Variants in WASF2 observed in about 807,000 individuals in gnomAD.
WASF2 encodes the protein WASP family member 2, also known as actin-binding protein WASF2.
In WASF2, 14 loss-of-function variants were observed where a neutral mutation model predicts 45.0. The observed-to-expected ratio is 0.31, with a 90% CI of 0.21 to 0.49. The LOEUF (loss-of-function observed/expected upper bound fraction) is 0.49. WASF2 is among the 20% of genes least tolerant of loss of function. The pLI, the probability that WASF2 is intolerant of heterozygous loss-of-function variation, is 0.99. For missense variants in WASF2, 439 were observed against 636.1 expected (o/e 0.69, Z 3.33); for synonymous variants, 200 against 236.3 (o/e 0.85, Z 1.41).
chr1:27,449,944 G>C (rs554937654), intron 1 of WASF2, among the ~76,000 whole-genome samples: 1 of 152,246 alleles, frequency 6.6e-6, no homozygotes, highest in Admixed American at 6.5e-5. Flanking sequence ...AGGAGTTCGA[G>C]ACCAGCCTGG....
intron 1 of WASF2, among the ~76,000 whole-genome samples, chr1:27,476,192 G>A (rs566420023): frequency 3.2e-4 from 49 of 152,350 alleles, no homozygotes; most frequent in African/African-American, 1.1e-3. Context: ...CACATCTGAT[G>A]AGAAGGTAAA....
chr1:27,478,627 G>A (rs545626518), intron 1 of WASF2, among the ~76,000 whole-genome samples: 2 of 152,106 alleles, frequency 1.3e-5, no homozygotes, highest in South Asian at 2.1e-4. Context: ...TTGTTGCCCA[G>A]GCTGGAGTGC....
intron 1 of WASF2, among the ~76,000 whole-genome samples, chr1:27,438,317 A>T (rs2017164323): frequency 6.6e-6 from 1 of 152,226 alleles, no homozygotes; most frequent in African/African-American, 2.4e-5. Context: ...CCTTTGGTCA[A>T]GGTATTAGAG....
chr1:27,461,551 C>T (rs1245649852), intron 1 of WASF2, among the ~76,000 whole-genome samples: 2 of 151,790 alleles, frequency 1.3e-5, no homozygotes, highest in Non-Finnish European at 2.9e-5. Flanking sequence ...CAAGCTCCGC[C>T]TCCCGGGCTC....
At chr1:27,487,627 A>G (rs1302583144) in intron 1 of WASF2, among the ~76,000 whole-genome samples, 3 of 88,764 alleles carry the variant, frequency 3.4e-5, no homozygotes, top group Admixed American at 1.7e-4. Context: ...TATATTTTAT[A>G]CAATATATAA....
At chr1:27,463,804 A>ATTT (rs1553151290) in intron 1 of WASF2, among the ~76,000 whole-genome samples, 4 of 137,182 alleles carry the variant, frequency 2.9e-5, no homozygotes, top group African/African-American at 8.0e-5. Flanking sequence ...TATTATTATT[A>ATTT]TTTTTTTTTT....
At chr1:27,473,473 AAG>A (rs2017721866) in intron 1 of WASF2, among the ~76,000 whole-genome samples, 1 of 150,736 alleles carries the variant, frequency 6.6e-6, no homozygotes, top group Admixed American at 6.6e-5. Context: ...AAAAAAAAAA[AAG>A]AAAGAAAAAA....
At chr1:27,473,479 G>GA (rs899292233) in intron 1 of WASF2, among the ~76,000 whole-genome samples, 7 of 136,974 alleles carry the variant, frequency 5.1e-5, no homozygotes. Context: ...AAAAAAGAAA[G>GA]AAAAAAAAAG....
At position 27,410,079 on chromosome 1, in the gene WASF2, G is replaced by A. The variant is rs757885369; in HGVS notation, c.952C>T (p.Pro318Ser). Residue 318 changes from proline (P) to serine (S), a missense_variant, in exon 8 of 9, where the codon CCA becomes TCA. Pro to Ser is a moderately conservative substitution (Grantham distance 74). Around this residue, in one of 5 missense-constraint regions of WASF2, gnomAD observed 286 missense variants for 373.5 expected, o/e 0.77. Coordinates refer to ENST00000618852, the MANE Select transcript of WASF2 (RefSeq NM_006990.5). The surrounding 1 kb of genome is among the most constrained non-coding windows in gnomAD (Gnocchi z 4.2). ...SPPGPKPGFA[P>S]PPAPPPPPPP... ...GGAGGTGGCGGAGGGGCAGGTGGTGGAGCAAACCCGGGTTTAGGGCCTGGT... is the reference window on the plus strand; with the variant it reads ...GGAGGTGGCGGAGGGGCAGGTGGTGAAGCAAACCCGGGTTTAGGGCCTGGT... The A allele has an allele frequency of 5.6e-6, 9 of 1,613,264 alleles. No homozygotes were observed. The South Asian group carries it at 6.6e-5, about 12-fold the overall frequency.
Position 27,410,203 on chromosome 1 carries a change from G to A in WASF2, c.828C>T (p.Tyr276=), listed in dbSNP as rs2016743867. The part of the protein sequence containing the change: ...NLPPPPAEFS[Y]PVDNQRGSGL... ...CAGATCCTCTTTGGTTGTCCACTGG[G>A]TAACTAAAAGGCCAAAGAAAAAAAG... The change falls in exon 8 of 9, where the codon TAC becomes TAT. Residue 276 remains tyrosine, a synonymous_variant. Transcript: ENST00000618852. The surrounding 1 kb of genome is among the most constrained non-coding windows in gnomAD (Gnocchi z 4.2). The A allele has an allele frequency of 6.2e-7, 1 of 1,613,906 alleles. No individual in the cohort carries two copies. The highest frequency in any genetic ancestry group is 1.3e-5 in the African/African-American group (1 of 74,858).
chr1:27,485,050 T>C (rs866104647), intron 1 of WASF2, among the ~76,000 whole-genome samples: 7 of 152,010 alleles, frequency 4.6e-5, no homozygotes, highest in Middle Eastern at 6.8e-3. Context: ...CTCAGGAGGC[T>C]GAGGCAGGAG....
In WASF2 at chr1:27,438,204, C is replaced by T. The variant is rs894273960; in HGVS notation, c.-43-9271G>A. Among the ~76,000 whole-genome samples, 20 of 152,252 alleles carry T rather than the reference C, an allele frequency of 1.3e-4. 1 individual carries two copies. The highest frequency in any genetic ancestry group is 7.9e-4 in the Admixed American group (12 of 15,284). On this transcript the variant is annotated intron_variant, in intron 1 of 8. Coordinates refer to ENST00000618852, the MANE Select transcript of WASF2 (RefSeq NM_006990.5). ...CTTGGTTTTATGGAAGGGTCTAACC[C>T]CATTTTACTATCATACTATGCGATG...
At position 27,405,717 on chromosome 1, in the gene WASF2, G is replaced by T. The variant is rs2016663515; in HGVS notation, c.*2472C>A. The stretch of plus-strand genomic sequence containing the variant: ...GAGCTGAGGAGGCTTCGCAAGGCCG[G>T]CTGCTACAAAGTGCCGAGCTTGGCT... On this transcript the variant is annotated 3_prime_UTR_variant, in exon 9 of 9. Transcript: ENST00000618852. The T allele has an allele frequency of 6.8e-6, 1 of 147,924 alleles. No individual in the cohort carries two copies. Among genetic ancestry groups the T allele is most frequent in the Non-Finnish European group, 1.5e-5 (1 of 67,448 alleles). The allele number at this position is 147,924 out of a possible 1,614,324, so 9.2% of individuals were successfully genotyped here.
At chr1:27,479,993 T>G (rs2017823810) in intron 1 of WASF2, among the ~76,000 whole-genome samples, 2 of 152,216 alleles carry the variant, frequency 1.3e-5, no homozygotes, top group Admixed American at 6.5e-5. Flanking sequence ...GAAGGAACTT[T>G]AAAAGTAAAG....
At chr1:27,447,091 G>T (rs2017321360) in intron 1 of WASF2, among the ~76,000 whole-genome samples, 2 of 152,156 alleles carry the variant, frequency 1.3e-5, no homozygotes, top group South Asian at 4.1e-4. Flanking sequence ...AGAATGCAGG[G>T]AAGAAGCTTA....
chr1:27,404,404 T>C lies in WASF2; in HGVS notation c.*3785A>G, dbSNP rs1001787685. On this transcript the variant is annotated 3_prime_UTR_variant, in exon 9 of 9. Transcript: ENST00000618852. ...TGGAGCTACAGGGATTTAAAAAAAT[T>C]GGATGTCTTTCTGAGGGTCTGAGAA... The C allele has an allele frequency of 7.2e-5, 11 of 152,156 alleles. No homozygotes were observed. The highest frequency in any genetic ancestry group is 2.7e-4 in the African/African-American group (11 of 41,430). The allele number at this position is 152,156 out of a possible 1,614,324, so 9.4% of individuals were successfully genotyped here.
At position 27,490,032 on chromosome 1, in the gene WASF2, G is replaced by GGCCT. The variant is rs1321045555; in HGVS notation, c.-91_-90insAGGC. On this transcript the variant is annotated 5_prime_UTR_variant, in exon 1 of 9. Coordinates refer to ENST00000618852, the MANE Select transcript of WASF2 (RefSeq NM_006990.5). ...CAGCGACAGGAAGGGTCGGCCGGCCGCCCAGTCTCCGCACAGAGTGTGCTC... is the reference window on the plus strand; with the variant it reads ...CAGCGACAGGAAGGGTCGGCCGGCCGGCCTCCCAGTCTCCGCACAGAGTGTGCTC... 1.3e-5 allele frequency: 2 copies of GGCCT among 152,300 alleles called. No individual in the cohort carries two copies. Among genetic ancestry groups the GGCCT allele is most frequent in the Non-Finnish European group, 2.9e-5 (2 of 68,102 alleles). The allele number at this position is 152,300 out of a possible 1,614,324, so 9.4% of individuals were successfully genotyped here. A position where few individuals can be genotyped will look rare whatever the true frequency, so the allele number is the denominator to read the frequency against.
chr1:27,434,181 A>T (rs2017101497), intron 1 of WASF2, among the ~76,000 whole-genome samples: 1 of 152,178 alleles, frequency 6.6e-6, no homozygotes, highest in Admixed American at 6.5e-5. Flanking sequence ...AGATAAGGTT[A>T]TGAGTTCTCC....
chr1:27,444,800 T>C (rs1218651844), intron 1 of WASF2, among the ~76,000 whole-genome samples: 1 of 152,238 alleles, frequency 6.6e-6, no homozygotes, highest in Non-Finnish European at 1.5e-5. Context: ...TTTAAGTACT[T>C]TGAAGGCAAT....
Sources: allele counts gnomAD v4.1 joint callset (sites outside exome capture counted in the v4.1 genomes callset), GRCh38; gene constraint gnomAD v4.1.1; regional missense constraint gnomAD v4.1.1; non-coding constraint Gnocchi (gnomAD v3.1); transcripts MANE v1.5; gene names NCBI Gene and HGNC (gene_info 2026-07-23, HGNC 2026-07-21).